Variants in CUX1 observed in about 807,000 individuals in gnomAD.
CUX1 encodes the protein cut like homeobox 1.
Under a neutral mutation model 158.8 loss-of-function variants are expected in CUX1, and 31 were observed. That is an observed-to-expected ratio of 0.20 (90% CI 0.15 to 0.26). The LOEUF is 0.26. Ranked by LOEUF, CUX1 falls within the 10% of genes least tolerant of loss-of-function variation. CUX1 has a pLI of 1.00. For missense variants in CUX1, 1,589 were observed against 2,014.6 expected, an observed-to-expected ratio of 0.79 and a Z score of 4.04; for synonymous variants, 879 against 862.1, an observed-to-expected ratio of 1.02 and a Z score of -0.34.
chr7:102,193,822 C>A lies in CUX1; in HGVS notation c.1077-20C>A, dbSNP rs1554517593. ...GTCTCAAAAAATAAATAAAATAACC[C>A]CTCTGTTGTGCTCTTGCAGCATTCT... is the stretch of plus-strand genomic sequence containing the variant. On this transcript the variant is annotated intron_variant, in intron 12 of 23. Coordinates refer to ENST00000292535, the MANE Select transcript of CUX1 (RefSeq NM_181552.4). 1 of 1,612,552 alleles carries A rather than the reference C, an allele frequency of 6.2e-7. No homozygotes were observed. Among genetic ancestry groups the A allele is most frequent in the East Asian group, 2.2e-5 (1 of 44,842 alleles).
intron 3 of CUX1, among the ~76,000 whole-genome samples, chr7:102,054,623 G>T (rs1187942087): frequency 6.6e-6 from 1 of 152,090 alleles, no homozygotes; most frequent in East Asian, 1.9e-4. Context: ...GTTATTTGGG[G>T]TCATTGCATT....
rs543788986 is a variant in CUX1, at chr7:101,860,812, T to C, written c.30+43143T>C. ...TCCTTCCCCTCTCTTCTTCTCTCTT[T>C]CCTTTTTTTAAAGAGACAGAGTCTT... is the stretch of plus-strand genomic sequence containing the variant. On this transcript the variant is annotated intron_variant, in intron 1 of 23. Coordinates refer to ENST00000292535, the MANE Select transcript of CUX1 (RefSeq NM_181552.4). 4.0e-4 allele frequency among the ~76,000 whole-genome samples: 58 copies of C among 145,840 alleles called. 1 individual carries two copies. The South Asian group carries it at 7.4e-3, about 19-fold the overall frequency.
At chr7:101,989,714 A>G (rs772013853) in intron 2 of CUX1, among the ~76,000 whole-genome samples, 1 of 152,152 alleles carries the variant, frequency 6.6e-6, no homozygotes, top group Non-Finnish European at 1.5e-5. Context: ...CCCCAACACC[A>G]TCTCCTCCAG....
intron 2 of CUX1, among the ~76,000 whole-genome samples, chr7:102,022,194 G>T (rs191594117): frequency 6.6e-6 from 1 of 152,284 alleles, no homozygotes; most frequent in Admixed American, 6.5e-5. Context: ...TGACGATTTT[G>T]TCTCTATTTT....
In CUX1 at chr7:102,251,557, G is replaced by C; in HGVS notation, c.*2515G>C. 1.0e-6 allele frequency: 1 copy of C among 985,434 alleles called. No individual in the cohort carries two copies. Among genetic ancestry groups the C allele is most frequent in the Non-Finnish European group, 1.2e-6 (1 of 829,944 alleles). The allele number at this position is 985,434 out of a possible 1,614,324, so 61.0% of individuals were successfully genotyped here. A position where few individuals can be genotyped will look rare whatever the true frequency, so the allele number is the denominator to read the frequency against. The stretch of plus-strand genomic sequence containing the variant: ...TGTTGGGGGTATCATTTCTGAACTT[G>C]AAATCCAGTTCAGGGAGAAGAGAAT... On this transcript the variant is annotated 3_prime_UTR_variant, in exon 24 of 24. Transcript: ENST00000292535.
At chr7:102,196,590 C>T in intron 14 of CUX1, 44 bp from the exon 15 acceptor site, 2 of 1,413,432 alleles carry the variant, frequency 1.4e-6, no homozygotes, top group Non-Finnish European at 1.9e-6. Flanking sequence ...TTTTTTCCCC[C>T]TTTGGAATCC....
intron 8 of CUX1, among the ~76,000 whole-genome samples, chr7:102,127,269 C>G (rs781979862): frequency 2.0e-5 from 3 of 152,176 alleles, no homozygotes; most frequent in Non-Finnish European, 4.4e-5. Context: ...GGCAGTTGCA[C>G]TATCATAGCT....
intron 14 of CUX1, among the ~76,000 whole-genome samples, chr7:102,266,543 G>A (rs368440673): frequency 5.9e-5 from 9 of 151,964 alleles, no homozygotes; most frequent in Non-Finnish European, 1.0e-4. Context: ...GGGAGGCATC[G>A]GCTTGTCAAT....
In CUX1 at chr7:101,817,648, C is replaced by A. The variant is rs542931508; in HGVS notation, c.9C>A (p.Cys3Ter). Residue 3 changes from cysteine to a stop codon, truncating the protein, a stop_gained, in exon 1 of 24, where the codon TGC becomes TGA. Transcript: ENST00000292535. LOFTEE classifies it high-confidence loss of function. The surrounding 1 kb of genome is among the most constrained non-coding windows in gnomAD (Gnocchi z 4.1). ML[C>*]VAGARLKREL... ...GGGACTCTGCCAGGTGGATGTTGTG[C>A]GTAGCCGGAGCCAGGTTGAAGGTGA... 1.3e-6 allele frequency: 2 copies of A among 1,551,988 alleles called. No individual in the cohort carries two copies. Among genetic ancestry groups the A allele is most frequent in the Non-Finnish European group, 8.7e-7 (1 of 1,147,726 alleles).
intron 1 of CUX1, among the ~76,000 whole-genome samples, chr7:101,889,258 CAAAA>C (rs55853593): frequency 4.4e-5 from 5 of 112,716 alleles, no homozygotes; most frequent in Non-Finnish European, 5.3e-5. Context: ...GACCCTGTCT[CAAAA>C]AAAAAAAAAA....
chr7:102,265,295 G>T (rs1383422276), intron 14 of CUX1, among the ~76,000 whole-genome samples: 1 of 151,054 alleles, frequency 6.6e-6, no homozygotes, highest in Non-Finnish European at 1.5e-5. Flanking sequence ...GGCAGAGGTT[G>T]CAGTGAGCCG....
chr7:102,067,629 A>G (rs962378883), intron 3 of CUX1, among the ~76,000 whole-genome samples: 4 of 151,790 alleles, frequency 2.6e-5, no homozygotes, highest in Non-Finnish European at 4.4e-5. Flanking sequence ...GATTTCAATT[A>G]TACTTTTAAA....
chr7:101,936,243 G>A (rs918492717), intron 2 of CUX1, among the ~76,000 whole-genome samples: 10 of 151,950 alleles, frequency 6.6e-5, no homozygotes, highest in Non-Finnish European at 1.5e-4. Context: ...GATGGGAGGA[G>A]GGAGGAGGGA....
Position 102,252,707 on chromosome 7 carries a change from C to CCCAGAGG in CUX1, c.*3666_*3672dup. 11 of 985,428 alleles carry CCCAGAGG rather than the reference C, an allele frequency of 1.1e-5. No individual in the cohort carries two copies. Among genetic ancestry groups the CCCAGAGG allele is most frequent in the Non-Finnish European group, 1.3e-5 (11 of 829,960 alleles). The allele number at this position is 985,428 out of a possible 1,614,324, so 61.0% of individuals were successfully genotyped here. A position where few individuals can be genotyped will look rare whatever the true frequency, so the allele number is the denominator to read the frequency against. On this transcript the variant is annotated 3_prime_UTR_variant, in exon 24 of 24. Transcript: ENST00000292535. ...AGACCTGTGCCCAACTCACTTCCAC[C>CCCAGAGG]CCAGAGGAGTCTTCTGTCCTCCTCC...
At chr7:102,207,436 CTTA>C (rs1312705212) in intron 20 of CUX1, among the ~76,000 whole-genome samples, 3 of 151,982 alleles carry the variant, frequency 2.0e-5, no homozygotes, top group African/African-American at 7.2e-5. Flanking sequence ...AAAAAGATTT[CTTA>C]TTTGCAGGAA....
chr7:101,984,519 G>C (rs766983030), intron 2 of CUX1, among the ~76,000 whole-genome samples: 3 of 144,582 alleles, frequency 2.1e-5, no homozygotes, highest in Non-Finnish European at 3.0e-5. Context: ...AAAAAAAAGT[G>C]CTTGCAGTGA....
intron 20 of CUX1, among the ~76,000 whole-genome samples, chr7:102,220,948 C>T (rs1010968236): frequency 3.3e-5 from 5 of 152,118 alleles, no homozygotes; most frequent in Admixed American, 6.6e-5. Context: ...TGACCTCAAG[C>T]GATCTGCCCA....
chr7:102,140,852 G>A (rs1455123372), intron 8 of CUX1, among the ~76,000 whole-genome samples: 3 of 149,196 alleles, frequency 2.0e-5, no homozygotes, highest in East Asian at 2.0e-4. Flanking sequence ...GGGATGGAGC[G>A]AGACTTCGTC....
chr7:102,098,645 C>CTT (rs76559878), intron 5 of CUX1, among the ~76,000 whole-genome samples: 1 of 143,250 alleles, frequency 7.0e-6, no homozygotes. Context: ...GCAAAGACTT[C>CTT]TTTTTTTTTT....
Sources: gnomAD v4.1 joint callset for allele counts (sites outside exome capture counted in the v4.1 genomes callset) on GRCh38, gnomAD v4.1.1 for gene constraint, Gnocchi (gnomAD v3.1) non-coding constraint, MANE v1.5 for transcripts, NCBI Gene and HGNC (gene_info 2026-07-23, HGNC 2026-07-21) for gene names.